CAST: variants seen among roughly 807,000 people sequenced by gnomAD.
The protein encoded by CAST is MIR583 host.
In CAST, 76 loss-of-function variants were observed where a neutral mutation model predicts 119.6. The ratio of observed to expected loss-of-function variants is 0.64; its 90% CI spans 0.53 to 0.77. The LOEUF is 0.77. CAST is among the 30% of genes least tolerant of loss of function. The pLI, the probability that CAST is intolerant of heterozygous loss-of-function variation, is 0.00. For synonymous variants in CAST, 319 were observed against 331.6 expected (o/e 0.96, Z 0.41); for missense variants, 953 against 946.5 (o/e 1.01, Z -0.09).
At chr5:95,975,678 A>G in the CAST span, among the ~76,000 whole-genome samples, 1 of 152,178 alleles carries the variant, frequency 6.6e-6, no homozygotes, top group Non-Finnish European at 1.5e-5. Context: ...GAGCAGTATA[A>G]ATAGACTTAA....
the CAST span, among the ~76,000 whole-genome samples, chr5:96,498,420 G>C: frequency 1.3e-5 from 2 of 152,172 alleles, no homozygotes; most frequent in African/African-American, 4.8e-5. Flanking sequence ...TAGCTTGATG[G>C]GGATGGCATT....
chr5:96,370,177 T>G, the CAST span, among the ~76,000 whole-genome samples: 2 of 151,752 alleles, frequency 1.3e-5, no homozygotes, highest in African/African-American at 4.8e-5. Flanking sequence ...AAATAGTAAA[T>G]GGAGAAATAC....
the CAST span, among the ~76,000 whole-genome samples, chr5:95,968,480 A>C: frequency 6.6e-6 from 1 of 152,174 alleles, no homozygotes; most frequent in African/African-American, 2.4e-5. Flanking sequence ...CTTTGTTTTT[A>C]TTGCATGTTG....
chr5:96,766,726 C>T (rs1289556836), intron 27 of CAST, among the ~76,000 whole-genome samples: 1 of 152,216 alleles, frequency 6.6e-6, no homozygotes, highest in Non-Finnish European at 1.5e-5. Context: ...TGTCCCCCAC[C>T]TCTTTCCTAT....
At chr5:96,742,838 C>A in intron 16 of CAST, 82 bp downstream of exon 16, 3 of 954,978 alleles carry the variant, frequency 3.1e-6, no homozygotes, top group Non-Finnish European at 3.3e-6. Flanking sequence ...TTAGAATTCT[C>A]GCACAACTTT....
chr5:96,140,568 AC>A, the CAST span, among the ~76,000 whole-genome samples: 1 of 152,110 alleles, frequency 6.6e-6, no homozygotes. Context: ...CCAGATTCTG[AC>A]TCTGCCACAC....
intron 3 of CAST, among the ~76,000 whole-genome samples, chr5:96,700,101 G>T (rs1391139499): frequency 6.6e-6 from 1 of 152,144 alleles, no homozygotes; most frequent in Non-Finnish European, 1.5e-5. Context: ...GAGGGTTTGG[G>T]TTAACTCTTC....
chr5:96,761,044 G>GA (rs1166011639), intron 24 of CAST: 2 of 151,952 alleles, frequency 1.3e-5, no homozygotes, highest in Non-Finnish European at 2.9e-5. Flanking sequence ...ATAGATCAAT[G>GA]AAAAAATTGA....
At chr5:96,474,631 G>GTT in the CAST span, among the ~76,000 whole-genome samples, 2 of 152,166 alleles carry the variant, frequency 1.3e-5, no homozygotes, top group South Asian at 4.1e-4. Context: ...GTGCAGTGGG[G>GTT]TGTCCAGGAA....
chr5:96,139,779 G>A, the CAST span, among the ~76,000 whole-genome samples: 1 of 151,830 alleles, frequency 6.6e-6, no homozygotes, highest in Admixed American at 6.6e-5. Flanking sequence ...TTATGTCACT[G>A]TTATAAATAA....
intron 1 of CAST, among the ~76,000 whole-genome samples, chr5:96,535,478 G>C (rs1318198542): frequency 6.6e-6 from 1 of 151,820 alleles, no homozygotes; most frequent in South Asian, 2.1e-4. Context: ...CTCTGGGGAG[G>C]AAGAACAGGC....
chr5:96,709,930 T>C (rs1755761249), intron 3 of CAST, among the ~76,000 whole-genome samples: 2 of 152,174 alleles, frequency 1.3e-5, no homozygotes, highest in African/African-American at 4.8e-5. Context: ...GATAGCAATA[T>C]TGGGATCGAT....
chr5:96,105,631 G>GT, the CAST span, among the ~76,000 whole-genome samples: 1 of 152,178 alleles, frequency 6.6e-6, no homozygotes. Flanking sequence ...GCTGGATTCG[G>GT]TTTGGCAGTA....
Position 96,773,915 on chromosome 5 carries a change from A to C in CAST, c.*1299A>C, listed in dbSNP as rs1191086112. ...TGACTTGTGGCAGCGGGGCAAGCAA[A>C]AACAATAACACTGCTTATAAATGGC... On this transcript the variant is annotated 3_prime_UTR_variant, in exon 32 of 32. Coordinates refer to ENST00000675179, the MANE Select transcript of CAST (RefSeq NM_001750.7). The C allele has an allele frequency of 6.6e-6, 1 of 152,286 alleles. No individual in the cohort carries two copies. The allele number at this position is 152,286 out of a possible 1,614,324, so 9.4% of individuals were successfully genotyped here. A position where few individuals can be genotyped will look rare whatever the true frequency, so the allele number is the denominator to read the frequency against.
chr5:96,747,193 T>C (rs1406314885), intron 17 of CAST, 152 bp from the exon 18 acceptor site: 22 of 621,090 alleles, frequency 3.5e-5, no homozygotes, highest in Non-Finnish European at 6.2e-5. Context: ...TTTTATACTT[T>C]ATAAAAAGTA....
the CAST span, chr5:96,397,506 GCT>G: frequency 6.4e-7 from 1 of 1,556,074 alleles, no homozygotes; most frequent in Non-Finnish European, 8.9e-7. Flanking sequence ...TGTCCTAATA[GCT>G]CTGATAGTAG....
the CAST span, among the ~76,000 whole-genome samples, chr5:96,311,580 G>A: frequency 6.6e-6 from 1 of 152,008 alleles, no homozygotes; most frequent in Non-Finnish European, 1.5e-5. Flanking sequence ...GTGTTCCACT[G>A]TTGGGTGCAT....
the CAST span, among the ~76,000 whole-genome samples, chr5:96,074,859 A>T: frequency 2.6e-5 from 4 of 152,078 alleles, no homozygotes; most frequent in Admixed American, 2.6e-4. Context: ...ACTTATTCTT[A>T]CTCTTCTGTA....
chr5:96,119,064 C>T, the CAST span, among the ~76,000 whole-genome samples: 1 of 152,078 alleles, frequency 6.6e-6, no homozygotes, highest in African/African-American at 2.4e-5. Flanking sequence ...TGCAGTTGGA[C>T]TATAATGGGA....
Sources: allele counts gnomAD v4.1 joint callset (sites outside exome capture counted in the v4.1 genomes callset), GRCh38; gene constraint gnomAD v4.1.1; transcripts MANE v1.5; gene names NCBI Gene and HGNC (gene_info 2026-07-23, HGNC 2026-07-21).